KCNMB2: variants seen among roughly 807,000 people sequenced by gnomAD.
KCNMB2 encodes potassium calcium-activated channel subfamily M regulatory beta subunit 2, also known as calcium-activated potassium channel subunit beta-2.
Under a neutral mutation model 24.5 loss-of-function variants are expected in KCNMB2, and 9 were observed. The ratio of observed to expected loss-of-function variants is 0.37; its 90% confidence interval spans 0.22 to 0.64. The LOEUF (loss-of-function observed/expected upper bound fraction) is 0.64, where lower values mean the gene tolerates loss of function less well. KCNMB2 is among the 30% of genes least tolerant of loss of function. The probability of loss-of-function intolerance (pLI) is 0.63; values close to 1 mark genes in which losing one functional copy is unlikely to be tolerated. For synonymous variants in KCNMB2, 109 were observed against 104.4 expected (o/e 1.04, Z -0.27); for missense variants, 226 against 284.3 (o/e 0.79, Z 1.47).
intron 1 of KCNMB2, among the ~76,000 whole-genome samples, chr3:178,757,860 T>C (rs62649254): frequency 1.5e-4 from 4 of 27,496 alleles, no homozygotes; most frequent in South Asian, 1.0e-3. Context: ...TCCAAGAGGA[T>C]ACATATATAT....
intron 2 of KCNMB2, 41 bp from the exon 3 acceptor site, chr3:178,825,547 T>G (rs1355485088): frequency 6.4e-7 from 1 of 1,559,702 alleles, no homozygotes; most frequent in African/African-American, 1.4e-5. Context: ...GCATGCTGAT[T>G]AACTAAACTT....
At chr3:178,774,103 T>C (rs1712483266) in intron 1 of KCNMB2, among the ~76,000 whole-genome samples, 1 of 152,142 alleles carries the variant, frequency 6.6e-6, no homozygotes, top group Non-Finnish European at 1.5e-5. Context: ...AAAGGCTGTG[T>C]GAAGCCTCTT....
At chr3:178,588,695 G>T (rs62284824) in intron 1 of KCNMB2, among the ~76,000 whole-genome samples, 1 of 151,936 alleles carries the variant, frequency 6.6e-6, no homozygotes, top group Non-Finnish European at 1.5e-5. Context: ...ATACATATAC[G>T]TGTATTCCTG....
intron 4 of KCNMB2, among the ~76,000 whole-genome samples, chr3:178,829,435 A>G (rs1009835996): frequency 6.6e-6 from 1 of 152,234 alleles, no homozygotes; most frequent in African/African-American, 2.4e-5. Context: ...TTTTGTTACA[A>G]TAACTTAAAG....
At chr3:178,637,911 A>C (rs1265443896) in intron 1 of KCNMB2, among the ~76,000 whole-genome samples, 1 of 152,136 alleles carries the variant, frequency 6.6e-6, no homozygotes, top group Non-Finnish European at 1.5e-5. Flanking sequence ...GTCAATCCTG[A>C]ATCTTCTAAT....
intron 1 of KCNMB2, among the ~76,000 whole-genome samples, chr3:178,794,796 C>T (rs1251573741): frequency 1.3e-5 from 2 of 152,140 alleles, no homozygotes; most frequent in Non-Finnish European, 2.9e-5. Context: ...TAAGTAATCA[C>T]CACAGCTCTG....
At chr3:178,751,360 CACA>C (rs1183908683) in intron 1 of KCNMB2, among the ~76,000 whole-genome samples, 1 of 151,922 alleles carries the variant, frequency 6.6e-6, no homozygotes, top group Non-Finnish European at 1.5e-5. Context: ...GCAGGTGGAT[CACA>C]ACGTCAGGAG....
chr3:178,672,788 A>G (rs1418270195), intron 1 of KCNMB2, among the ~76,000 whole-genome samples: 1 of 152,172 alleles, frequency 6.6e-6, no homozygotes, highest in African/African-American at 2.4e-5. Context: ...AGACTTCCAA[A>G]ACTCTGGCCT....
At chr3:178,812,000 AATT>A (rs1714211666) in intron 2 of KCNMB2, among the ~76,000 whole-genome samples, 2 of 152,180 alleles carry the variant, frequency 1.3e-5, no homozygotes, top group African/African-American at 4.8e-5. Context: ...CTGTTTAAAT[AATT>A]TGCAATTATT....
At chr3:178,722,797 G>A (rs1313485155) in intron 1 of KCNMB2, among the ~76,000 whole-genome samples, 1 of 152,212 alleles carries the variant, frequency 6.6e-6, no homozygotes. Context: ...GCAGGCTGAG[G>A]TGGGAGGATG....
At chr3:178,752,792 C>T (rs987905239) in intron 1 of KCNMB2, among the ~76,000 whole-genome samples, 6 of 152,130 alleles carry the variant, frequency 3.9e-5, no homozygotes, top group South Asian at 2.1e-4. Context: ...AAAGATGACA[C>T]GATATTGTCT....
chr3:178,662,683 C>A (rs1577080561), intron 1 of KCNMB2, among the ~76,000 whole-genome samples: 1 of 151,966 alleles, frequency 6.6e-6, no homozygotes. Context: ...TATGAAATAA[C>A]AAATATGAAA....
At chr3:178,786,960 A>T (rs1041004082) in intron 1 of KCNMB2, among the ~76,000 whole-genome samples, 1 of 152,194 alleles carries the variant, frequency 6.6e-6, no homozygotes, top group African/African-American at 2.4e-5. Flanking sequence ...GTAGAACATA[A>T]GAAAACTTTT....
chr3:178,612,578 T>G (rs1223448874), intron 1 of KCNMB2, among the ~76,000 whole-genome samples: 1 of 152,210 alleles, frequency 6.6e-6, no homozygotes, highest in Non-Finnish European at 1.5e-5. Flanking sequence ...TTGTTTTTAT[T>G]GGTATAAAAT....
chr3:178,779,351 C>CT (rs1316621342), intron 1 of KCNMB2, among the ~76,000 whole-genome samples: 1 of 152,066 alleles, frequency 6.6e-6, no homozygotes, highest in African/African-American at 2.4e-5. Flanking sequence ...CTGCAAAAAT[C>CT]TTTTTTGGGT....
chr3:178,721,831 G>A (rs1210375252), intron 1 of KCNMB2, among the ~76,000 whole-genome samples: 1 of 152,132 alleles, frequency 6.6e-6, no homozygotes. Flanking sequence ...AATAGCTGAT[G>A]GTGTTGATTA....
At chr3:178,731,329 G>C (rs562255181) in intron 1 of KCNMB2, among the ~76,000 whole-genome samples, 3 of 152,292 alleles carry the variant, frequency 2.0e-5, no homozygotes, top group Admixed American at 1.3e-4. Context: ...AGAAATGATA[G>C]AGTGTCACCA....
chr3:178,715,273 C>T (rs767056736), intron 1 of KCNMB2, among the ~76,000 whole-genome samples: 5 of 152,026 alleles, frequency 3.3e-5, no homozygotes, highest in South Asian at 4.1e-4. Context: ...AATTTAACTC[C>T]TAAACACTCA....
intron 1 of KCNMB2, among the ~76,000 whole-genome samples, chr3:178,539,456 G>C (rs984041330): frequency 2.6e-5 from 4 of 152,044 alleles, no homozygotes; most frequent in Non-Finnish European, 4.4e-5. Flanking sequence ...TATATCAATA[G>C]TAAGAATAAG....
Sources: allele counts gnomAD v4.1 joint callset (sites outside exome capture counted in the v4.1 genomes callset), GRCh38; gene constraint gnomAD v4.1.1; transcripts MANE v1.5; gene names NCBI Gene and HGNC (gene_info 2026-07-23, HGNC 2026-07-21).